Variants in CTNNA2 observed in about 807,000 individuals in gnomAD.
CTNNA2 encodes catenin alpha-2.
In CTNNA2, 42 loss-of-function variants were observed where a neutral mutation model predicts 101.0. That is an observed-to-expected ratio of 0.42 (90% CI 0.32 to 0.54). The LOEUF (loss-of-function observed/expected upper bound fraction) is 0.54. Among genes scored for constraint, CTNNA2 ranks in the 20% least tolerant of loss-of-function variants. The pLI is 0.14. For missense variants in CTNNA2, 871 were observed against 1,223.1 expected, an observed-to-expected ratio of 0.71 and a Z score of 4.29; for synonymous variants, 450 against 456.4, an observed-to-expected ratio of 0.99 and a Z score of 0.18.
chr2:79,187,261 TTTTC>T (rs1380321407), intron 1 of CTNNA2, among the ~76,000 whole-genome samples: 1 of 97,042 alleles, frequency 1.0e-5, no homozygotes, highest in Admixed American at 1.1e-4. Flanking sequence ...TTTTCTTTTC[TTTTC>T]TTTTCTTTTT....
chr2:79,427,590 T>C (rs1678606229), intron 4 of CTNNA2, among the ~76,000 whole-genome samples: 1 of 151,294 alleles, frequency 6.6e-6, no homozygotes, highest in South Asian at 2.1e-4. Flanking sequence ...CCCTGAATCT[T>C]CCAGTCTCTA....
chr2:80,270,867 C>G (rs185109053), intron 7 of CTNNA2, among the ~76,000 whole-genome samples: 1 of 152,124 alleles, frequency 6.6e-6, no homozygotes, highest in Non-Finnish European at 1.5e-5. Context: ...TAATTAAATG[C>G]TAGCCACCCT....
chr2:80,554,455 TTGC>T (rs1430950386), intron 11 of CTNNA2, among the ~76,000 whole-genome samples: 4 of 152,194 alleles, frequency 2.6e-5, no homozygotes, highest in African/African-American at 9.6e-5. Context: ...GTAAACTGTG[TTGC>T]TTATAATCAA....
intron 3 of CTNNA2, among the ~76,000 whole-genome samples, chr2:79,342,751 G>A (rs1199789525): frequency 6.6e-6 from 1 of 152,076 alleles, no homozygotes; most frequent in African/African-American, 2.4e-5. Flanking sequence ...TCTCATGTTG[G>A]TACTCTTGGG....
intron 7 of CTNNA2, among the ~76,000 whole-genome samples, chr2:80,097,017 A>T (rs1391504308): frequency 6.6e-6 from 1 of 151,532 alleles, no homozygotes; most frequent in African/African-American, 2.4e-5. Flanking sequence ...TTTAAGGTTA[A>T]TATTGTTATG....
intron 7 of CTNNA2, among the ~76,000 whole-genome samples, chr2:80,181,269 A>T (rs775602596): frequency 6.6e-6 from 1 of 152,124 alleles, no homozygotes. Flanking sequence ...AATCTCTGAC[A>T]AAGGTGGAAA....
intron 7 of CTNNA2, among the ~76,000 whole-genome samples, chr2:80,342,716 T>C (rs1337671649): frequency 6.6e-6 from 1 of 152,270 alleles, no homozygotes; most frequent in Non-Finnish European, 1.5e-5. Flanking sequence ...TGCATGTTTT[T>C]TGTTTACTCA....
intron 3 of CTNNA2, among the ~76,000 whole-genome samples, chr2:79,837,203 C>G (rs1679439340): frequency 6.6e-6 from 1 of 152,088 alleles, no homozygotes; most frequent in Non-Finnish European, 1.5e-5. Flanking sequence ...GGCAGAGGAC[C>G]AAGGAGAGTC....
At chr2:79,622,507 C>T (rs1427270553) in intron 1 of CTNNA2, among the ~76,000 whole-genome samples, 1 of 152,104 alleles carries the variant, frequency 6.6e-6, no homozygotes, top group African/African-American at 2.4e-5. Flanking sequence ...TAACATTCCT[C>T]TTAGCAAAAA....
chr2:79,313,559 A>C (rs575943011), intron 3 of CTNNA2, among the ~76,000 whole-genome samples: 1 of 152,238 alleles, frequency 6.6e-6, no homozygotes, highest in East Asian at 1.9e-4. Flanking sequence ...AATCAAGCAG[A>C]CTGACTCCAG....
At chr2:80,263,078 A>T (rs1000899345) in intron 7 of CTNNA2, among the ~76,000 whole-genome samples, 6 of 152,110 alleles carry the variant, frequency 3.9e-5, no homozygotes, top group African/African-American at 1.4e-4. Context: ...AGTGTATGTG[A>T]TGGGGCATGG....
chr2:79,363,254 G>C (rs1242890710), intron 3 of CTNNA2, among the ~76,000 whole-genome samples: 1 of 152,186 alleles, frequency 6.6e-6, no homozygotes, highest in African/African-American at 2.4e-5. Flanking sequence ...TCCTCACAAG[G>C]TAGAGAGAGA....
At chr2:79,407,654 C>T (rs1678354526) in intron 4 of CTNNA2, among the ~76,000 whole-genome samples, 1 of 151,862 alleles carries the variant, frequency 6.6e-6, no homozygotes, top group South Asian at 2.1e-4. Context: ...CAACTTATGC[C>T]ATTGTCAGAT....
chr2:80,499,489 C>G (rs925864897), intron 9 of CTNNA2, among the ~76,000 whole-genome samples: 1 of 151,732 alleles, frequency 6.6e-6, no homozygotes, highest in African/African-American at 2.4e-5. Context: ...TGTCATTGGC[C>G]TGAATTTTTT....
intron 7 of CTNNA2, among the ~76,000 whole-genome samples, chr2:80,235,004 T>C (rs1477552576): frequency 6.6e-6 from 1 of 152,168 alleles, no homozygotes; most frequent in Non-Finnish European, 1.5e-5. Context: ...TCTAATCACT[T>C]GTTTATAAAA....
intron 2 of CTNNA2, 52 bp from the exon 3 acceptor site, chr2:79,744,335 A>C: frequency 6.6e-7 from 1 of 1,504,304 alleles, no homozygotes; most frequent in Non-Finnish European, 8.9e-7. Flanking sequence ...ATAACATGAC[A>C]TTTCTAGACA....
chr2:79,357,935 C>T (rs1677544863), intron 3 of CTNNA2, among the ~76,000 whole-genome samples: 1 of 152,038 alleles, frequency 6.6e-6, no homozygotes, highest in South Asian at 2.1e-4. Context: ...TTGCTACAAT[C>T]CTAAATCTTG....
intron 9 of CTNNA2, among the ~76,000 whole-genome samples, chr2:80,535,517 C>G (rs938990143): frequency 2.0e-5 from 3 of 152,136 alleles, no homozygotes; most frequent in Non-Finnish European, 4.4e-5. Flanking sequence ...AGATGCAACA[C>G]GTCTCACCCA....
chr2:80,606,106 C>T (rs216664), intron 16 of CTNNA2, among the ~76,000 whole-genome samples: 74,823 of 151,438 alleles, frequency 0.49, 18,747 homozygotes, highest in African/African-American at 0.54. Flanking sequence ...AGAGTTGGGA[C>T]GTGTAGAGTG....
Sources: allele counts gnomAD v4.1 joint callset (sites outside exome capture counted in the v4.1 genomes callset), GRCh38; gene constraint gnomAD v4.1.1; transcripts MANE v1.5; gene names NCBI Gene and HGNC (gene_info 2026-07-23, HGNC 2026-07-21).